Variants in ITIH5 observed in about 807,000 individuals in gnomAD.
The protein encoded by ITIH5 is inter-alpha-trypsin inhibitor heavy chain H5.
Under a neutral mutation model 77.5 loss-of-function variants are expected in ITIH5, and 65 were observed. That is an observed-to-expected ratio of 0.84 (90% CI 0.69 to 1.03). The LOEUF is 1.03. Among genes scored for constraint, ITIH5 ranks in the 50% least tolerant of loss-of-function variants. The probability of loss-of-function intolerance (pLI) is 0.00; values close to 1 mark genes in which losing one functional copy is unlikely to be tolerated. For missense variants in ITIH5, 1,208 were observed against 1,213.1 expected, an observed-to-expected ratio of 1.00 and a Z score of 0.06; for synonymous variants, 525 against 494.3, an observed-to-expected ratio of 1.06 and a Z score of -0.82.
In ITIH5 at chr10:7,645,468, T is replaced by C. The variant is rs561503219; in HGVS notation, c.136-3378A>G. Reference sequence around the variant, plus strand: ...CAGAGGGTGGCCCAGCAAGCCGCAGTTTAACAAACCCTTCAGGTCATTCTA... The same window carrying C: ...CAGAGGGTGGCCCAGCAAGCCGCAGCTTAACAAACCCTTCAGGTCATTCTA... On this transcript the variant is annotated intron_variant, in intron 2 of 13. Coordinates refer to ENST00000397146, the MANE Select transcript of ITIH5 (RefSeq NM_030569.7). 5.3e-5 allele frequency among the ~76,000 whole-genome samples: 8 copies of C among 152,268 alleles called. No individual in the cohort carries two copies. In the South Asian group the frequency reaches 1.7e-3, roughly 32 times the overall value.
At chr10:7,591,225 T>G (rs1249508278) in intron 7 of ITIH5, among the ~76,000 whole-genome samples, 3 of 152,154 alleles carry the variant, frequency 2.0e-5, no homozygotes, top group Non-Finnish European at 4.4e-5. Context: ...AAAATCCTCA[T>G]TAAAATAAAT....
chr10:7,656,664 A>G (rs1303876060), intron 1 of ITIH5, among the ~76,000 whole-genome samples: 1 of 152,190 alleles, frequency 6.6e-6, no homozygotes, highest in East Asian at 1.9e-4. Context: ...GGGAGTAATA[A>G]GTTTTCCTTC....
Position 7,579,872 on chromosome 10 carries a change from A to G in ITIH5, c.1301T>C (p.Phe434Ser). Residue 434 changes from phenylalanine (F) to serine (S), a missense_variant, in exon 9 of 14, where the codon TTC becomes TCC. Transcript: ENST00000397146. ...CACGTCGTTGCCGATGCCAATGGTG[A>G]AGATGCAGACTTGGCCTCGGGCGGC... ...REAARGQVCI[F>S]TIGIGNDVDF... The G allele has an allele frequency of 6.2e-7, 1 of 1,614,194 alleles. No homozygotes were observed. Among genetic ancestry groups the G allele is most frequent in the Non-Finnish European group, 8.5e-7 (1 of 1,180,040 alleles).
intron 7 of ITIH5, among the ~76,000 whole-genome samples, chr10:7,590,495 C>T (rs150798614): frequency 0.016 from 2,486 of 152,308 alleles, 73 homozygotes; most frequent in African/African-American, 0.057. Flanking sequence ...CGGCTGTGTG[C>T]GTGTGCACGT....
chr10:7,594,933 G>A (rs1832864861), intron 7 of ITIH5, among the ~76,000 whole-genome samples: 1 of 152,246 alleles, frequency 6.6e-6, no homozygotes, highest in Non-Finnish European at 1.5e-5. Context: ...CAACCCACAA[G>A]AGGCCCTTCG....
chr10:7,566,599 C>T (rs1046960723), intron 12 of ITIH5, among the ~76,000 whole-genome samples, 192 bp from the exon 13 acceptor site: 1 of 150,450 alleles, frequency 6.6e-6, no homozygotes, highest in African/African-American at 2.5e-5. Context: ...GTGGTGCAAG[C>T]CTGTAGTCCC....
At chr10:7,607,406 G>GAAGCC (rs1048029054) in intron 7 of ITIH5, among the ~76,000 whole-genome samples, 3 of 152,202 alleles carry the variant, frequency 2.0e-5, no homozygotes, top group African/African-American at 7.2e-5. Flanking sequence ...CAACACTTTG[G>GAAGCC]AAGCCAAGGT....
chr10:7,614,890 G>A (rs1016879603), intron 7 of ITIH5, among the ~76,000 whole-genome samples: 1 of 152,128 alleles, frequency 6.6e-6, no homozygotes, highest in Admixed American at 6.5e-5. Flanking sequence ...TGGACAGAGA[G>A]TTTCTATGAG....
intron 2 of ITIH5, among the ~76,000 whole-genome samples, chr10:7,655,213 CTT>C (rs1031623812): frequency 7.2e-5 from 11 of 152,186 alleles, no homozygotes; most frequent in African/African-American, 2.7e-4. Context: ...GTCCCAATCT[CTT>C]AGCCTCCAGC....
chr10:7,564,988 T>A (rs1422204634), intron 13 of ITIH5, among the ~76,000 whole-genome samples: 1 of 146,404 alleles, frequency 6.8e-6, no homozygotes, highest in Non-Finnish European at 1.5e-5. Flanking sequence ...CACACGTTCA[T>A]ACATATAGAC....
chr10:7,575,470 A>G (rs1343872527), intron 10 of ITIH5, among the ~76,000 whole-genome samples: 1 of 152,178 alleles, frequency 6.6e-6, no homozygotes. Flanking sequence ...TAGGAGAGAG[A>G]ACTTGACAGG....
chr10:7,652,090 C>T (rs186860824), intron 2 of ITIH5, among the ~76,000 whole-genome samples: 1 of 152,262 alleles, frequency 6.6e-6, no homozygotes, highest in Non-Finnish European at 1.5e-5. Flanking sequence ...GGCCAGGATC[C>T]ATTCAGCACC....
intron 5 of ITIH5, among the ~76,000 whole-genome samples, chr10:7,636,701 T>A (rs528533967): frequency 6.6e-6 from 1 of 152,192 alleles, no homozygotes; most frequent in South Asian, 2.1e-4. Flanking sequence ...TATTATTGCA[T>A]CAATAACTCA....
intron 12 of ITIH5, among the ~76,000 whole-genome samples, chr10:7,566,935 T>C (rs139649333): frequency 2.1e-5 from 3 of 141,628 alleles, no homozygotes; most frequent in East Asian, 4.3e-4. Context: ...GAAAAGAAAA[T>C]CTATCCCTGC....
At position 7,559,765 on chromosome 10, in the gene ITIH5, G is replaced by A. The variant is rs527445081; in HGVS notation, c.*3318C>T. On this transcript the variant is annotated 3_prime_UTR_variant, in exon 14 of 14. Transcript: ENST00000397146. The stretch of plus-strand genomic sequence containing the variant: ...GCAGACATGGTGTCTGGTGAGGGCC[G>A]TCTTCCTGGCTTGCAGGTGGCCATC... 2.4e-5 allele frequency: 11 copies of A among 454,006 alleles called. No homozygotes were observed. The East Asian group carries it at 4.2e-4, about 17-fold the overall frequency. The allele number at this position is 454,006 out of a possible 1,614,324, so 28.1% of individuals were successfully genotyped here. A position where few individuals can be genotyped will look rare whatever the true frequency, so the allele number is the denominator to read the frequency against.
chr10:7,562,904 C>T lies in ITIH5; in HGVS notation c.*179G>A. ...ATGACATTTGCACTCAGGCTTCCCGCCCCTACCCACCCCTACCCTTCGCCC... is the reference window on the plus strand; with the variant it reads ...ATGACATTTGCACTCAGGCTTCCCGTCCCTACCCACCCCTACCCTTCGCCC... On this transcript the variant is annotated 3_prime_UTR_variant, in exon 14 of 14. Coordinates refer to ENST00000397146, the MANE Select transcript of ITIH5 (RefSeq NM_030569.7). The T allele has an allele frequency of 3.9e-6, 2 of 511,982 alleles. No individual in the cohort carries two copies. Among genetic ancestry groups the T allele is most frequent in the Non-Finnish European group, 7.4e-6 (2 of 271,630 alleles). 31.7% of individuals were successfully genotyped at this position (511,982 alleles called of 1,614,324 possible).
chr10:7,624,518 A>C (rs1833526238), intron 5 of ITIH5, among the ~76,000 whole-genome samples: 1 of 121,840 alleles, frequency 8.2e-6, no homozygotes, highest in African/African-American at 3.2e-5. Context: ...AAAACAAACA[A>C]ACAAACATGC....
At chr10:7,593,158 C>T (rs960206842) in intron 7 of ITIH5, among the ~76,000 whole-genome samples, 3 of 152,130 alleles carry the variant, frequency 2.0e-5, no homozygotes, top group Non-Finnish European at 4.4e-5. Flanking sequence ...TCTCTACCCT[C>T]CTTCCCTCAG....
intron 7 of ITIH5, among the ~76,000 whole-genome samples, chr10:7,601,931 C>A (rs983418648): frequency 2.6e-5 from 4 of 152,122 alleles, no homozygotes; most frequent in African/African-American, 9.7e-5. Context: ...CAGCTCACTG[C>A]AACCTCTACC....
Sources: allele counts gnomAD v4.1 joint callset (sites outside exome capture counted in the v4.1 genomes callset), GRCh38; gene constraint gnomAD v4.1.1; transcripts MANE v1.5; gene names NCBI Gene and HGNC (gene_info 2026-07-23, HGNC 2026-07-21).